The following GALNT17 variants were observed in gnomAD, a reference collection of about 807,000 sequenced individuals.
GALNT17 encodes the protein UDP-GalNAc:polypeptide N-acetylgalactosaminyltransferase-like 3.
Under a neutral mutation model 63.7 loss-of-function variants are expected in GALNT17, and 29 were observed. The observed-to-expected ratio is 0.46, with a 90% CI of 0.34 to 0.62. The LOEUF (loss-of-function observed/expected upper bound fraction) is 0.62. Among genes scored for constraint, GALNT17 ranks in the 20% least tolerant of loss-of-function variants. The pLI is 0.01. For missense variants in GALNT17, 603 were observed against 799.6 expected, an observed-to-expected ratio of 0.75 and a Z score of 2.97; for synonymous variants, 305 against 318.3, an observed-to-expected ratio of 0.96 and a Z score of 0.45.
intron 1 of GALNT17, among the ~76,000 whole-genome samples, chr7:71,279,766 C>T (rs371772419): frequency 2.7e-5 from 4 of 150,168 alleles, no homozygotes; most frequent in Non-Finnish European, 5.9e-5. Context: ...GCTGGAGGAA[C>T]GAAGCGAAAT....
chr7:71,677,622 C>T (rs1418591854), intron 9 of GALNT17, among the ~76,000 whole-genome samples: 6 of 151,484 alleles, frequency 4.0e-5, no homozygotes, highest in African/African-American at 1.5e-4. Flanking sequence ...TCATGTGATT[C>T]TCCTGCCTCA....
intron 5 of GALNT17, among the ~76,000 whole-genome samples, chr7:71,569,641 T>C (rs774790113): frequency 2.0e-5 from 3 of 152,208 alleles, no homozygotes; most frequent in Non-Finnish European, 4.4e-5. Flanking sequence ...TGGACTGAAC[T>C]CTGGGGAACA....
intron 6 of GALNT17, among the ~76,000 whole-genome samples, chr7:71,577,492 G>T (rs1789558109): frequency 6.6e-6 from 1 of 152,048 alleles, no homozygotes; most frequent in African/African-American, 2.4e-5. Context: ...ATATAAGAGG[G>T]TTTGAGGATG....
chr7:71,690,393 A>G (rs1791424297), intron 9 of GALNT17, among the ~76,000 whole-genome samples: 1 of 151,966 alleles, frequency 6.6e-6, no homozygotes, highest in Non-Finnish European at 1.5e-5. Context: ...GATTCCTTTC[A>G]CAATATCACT....
At chr7:71,641,738 C>A (rs1790607206) in intron 6 of GALNT17, among the ~76,000 whole-genome samples, 2 of 151,830 alleles carry the variant, frequency 1.3e-5, no homozygotes, top group Non-Finnish European at 2.9e-5. Context: ...CCATTCCAGG[C>A]CTGTTGTAGG....
At chr7:71,336,653 C>T (rs900814705) in intron 2 of GALNT17, among the ~76,000 whole-genome samples, 3 of 152,188 alleles carry the variant, frequency 2.0e-5, no homozygotes, top group South Asian at 4.2e-4. Context: ...TCCAGGTTGC[C>T]GCAAAGGACA....
chr7:71,487,051 A>G (rs1404855302), intron 5 of GALNT17, among the ~76,000 whole-genome samples: 1 of 152,056 alleles, frequency 6.6e-6, no homozygotes, highest in Non-Finnish European at 1.5e-5. Flanking sequence ...AGCTTCAGCA[A>G]CCCTGCCTGA....
intron 1 of GALNT17, among the ~76,000 whole-genome samples, chr7:71,242,837 A>C (rs991923691): frequency 6.6e-6 from 1 of 152,170 alleles, no homozygotes; most frequent in Admixed American, 6.5e-5. Flanking sequence ...ACATCCTTTT[A>C]TGTCTCCCAG....
At chr7:71,418,259 C>T (rs1349823581) in intron 4 of GALNT17, among the ~76,000 whole-genome samples, 1 of 152,168 alleles carries the variant, frequency 6.6e-6, no homozygotes, top group African/African-American at 2.4e-5. Flanking sequence ...TTAGTCTTTG[C>T]CATTCAGACG....
chr7:71,259,637 TGTTTTTTTG>T (rs1562953623), intron 1 of GALNT17, among the ~76,000 whole-genome samples: 2 of 139,558 alleles, frequency 1.4e-5, no homozygotes, highest in African/African-American at 5.5e-5. Flanking sequence ...TTTTGTTTTT[TGTTTTTTTG>T]TTTTTTTTTT....
chr7:71,216,067 A>T (rs942152261), intron 1 of GALNT17, among the ~76,000 whole-genome samples: 4 of 100,924 alleles, frequency 4.0e-5, no homozygotes, highest in Non-Finnish European at 4.9e-5. Flanking sequence ...ATAATAATAA[A>T]AAAGCCAAGC....
At chr7:71,602,029 C>G (rs796969502) in intron 6 of GALNT17, among the ~76,000 whole-genome samples, 19 of 152,320 alleles carry the variant, frequency 1.2e-4, no homozygotes, top group African/African-American at 4.6e-4. Flanking sequence ...CTGACCCGTG[C>G]AAGACTGGCC....
intron 2 of GALNT17, among the ~76,000 whole-genome samples, chr7:71,361,766 A>T (rs1280979804): frequency 6.6e-6 from 1 of 152,088 alleles, no homozygotes; most frequent in Non-Finnish European, 1.5e-5. Context: ...ATAGCATTGC[A>T]TCTTGACTGC....
In GALNT17 at chr7:71,616,951, TTAAC is replaced by T. The variant is rs1032178604; in HGVS notation, c.1080+45553_1080+45556del. On this transcript the variant is annotated intron_variant, in intron 6 of 10. Transcript: ENST00000333538. Reference sequence around the variant, plus strand: ...AATTATTATATCATATGGTTAATAATTAACTAATTTATATATGAATATATTAGTT... The same window carrying T: ...AATTATTATATCATATGGTTAATAATTAATTTATATATGAATATATTAGTT... Among the ~76,000 whole-genome samples the T allele has an allele frequency of 3.8e-3, 30 of 7,824 alleles. No individual in the cohort carries two copies. The South Asian group carries it at 0.054, about 14-fold the overall frequency. 5.1% of individuals were successfully genotyped at this position (7,824 alleles called of 152,430 possible).
At chr7:71,605,334 T>C (rs190743730) in intron 6 of GALNT17, among the ~76,000 whole-genome samples, 1 of 152,214 alleles carries the variant, frequency 6.6e-6, no homozygotes, top group African/African-American at 2.4e-5. Flanking sequence ...ACACCCATAA[T>C]CTCAGCACTT....
At chr7:71,542,429 G>A (rs1038046771) in intron 5 of GALNT17, among the ~76,000 whole-genome samples, 4 of 151,878 alleles carry the variant, frequency 2.6e-5, no homozygotes, top group South Asian at 2.1e-4. Context: ...AATGATAATC[G>A]CTGGGCACAG....
chr7:71,428,702 G>T (rs778100710), intron 5 of GALNT17, among the ~76,000 whole-genome samples: 7 of 152,190 alleles, frequency 4.6e-5, no homozygotes, highest in Non-Finnish European at 1.0e-4. Flanking sequence ...CTCCCAAAGT[G>T]CTGGGATTAC....
chr7:71,548,881 C>T (rs1480965237), intron 5 of GALNT17, among the ~76,000 whole-genome samples: 1 of 152,200 alleles, frequency 6.6e-6, no homozygotes, highest in Non-Finnish European at 1.5e-5. Flanking sequence ...TGTGTTACAT[C>T]TCCATGTCAT....
Position 71,415,938 on chromosome 7 carries a change from G to C in GALNT17, c.639G>C (p.Gly213=), listed in dbSNP as rs903904368. 2 of 1,613,566 alleles carry C rather than the reference G, an allele frequency of 1.2e-6. No individual in the cohort carries two copies. The highest frequency in any genetic ancestry group is 3.3e-5 in the Admixed American group (2 of 59,936). Reference sequence around the variant, plus strand: ...AGTATGTCCACAAACGCTACCCCGGGCTGGTGAAGGTGGTAAGAAATCAGA... The same window carrying C: ...AGTATGTCCACAAACGCTACCCCGGCCTGGTGAAGGTGGTAAGAAATCAGA... ...LEEYVHKRYP[G]LVKVVRNQKR... is the part of the protein sequence containing the mutation. Residue 213 remains glycine (G), a synonymous_variant, in exon 4 of 11, where the codon GGG becomes GGC. Coordinates refer to ENST00000333538, the MANE Select transcript of GALNT17 (RefSeq NM_022479.3).
Sources: allele counts gnomAD v4.1 joint callset (sites outside exome capture counted in the v4.1 genomes callset), GRCh38; gene constraint gnomAD v4.1.1; transcripts MANE v1.5; gene names NCBI Gene and HGNC (gene_info 2026-07-23, HGNC 2026-07-21).